The following CEP57L1 variants were observed in gnomAD, a reference collection of about 807,000 sequenced individuals.
CEP57L1 encodes centrosomal protein 57 like 1.
CEP57L1 carries 37 observed loss-of-function variants against 61.0 expected under a neutral mutation model. The ratio of observed to expected loss-of-function variants is 0.61; its 90% confidence interval spans 0.47 to 0.80. CEP57L1 has a LOEUF of 0.80. CEP57L1 is among the 30% of genes least tolerant of loss of function. The pLI is 0.00. For synonymous variants in CEP57L1, 137 were observed against 162.3 expected, an observed-to-expected ratio of 0.84 and a Z score of 1.19; for missense variants, 422 against 524.7, an observed-to-expected ratio of 0.80 and a Z score of 1.91.
chr6:109,161,867 TA>T (rs930943914), intron 10 of CEP57L1, among the ~76,000 whole-genome samples: 6 of 152,116 alleles, frequency 3.9e-5, no homozygotes, highest in African/African-American at 1.4e-4. Flanking sequence ...ATATCTGTAA[TA>T]AAAATTGACT....
intron 1 of CEP57L1, among the ~76,000 whole-genome samples, chr6:109,116,343 A>C (rs1772301798): frequency 6.6e-6 from 1 of 151,794 alleles, no homozygotes; most frequent in African/African-American, 2.4e-5. Flanking sequence ...ACGCCCACCT[A>C]ATTTTGTATT....
rs747159823 is a variant in CEP57L1, at chr6:109,155,343, CAT to C, written c.657+41_657+42del. 2.8e-6 allele frequency: 3 copies of C among 1,089,664 alleles called. No individual in the cohort carries two copies. The African/African-American group carries it at 4.9e-5, about 18-fold the overall frequency. 67.5% of individuals were successfully genotyped at this position (1,089,664 alleles called of 1,614,324 possible). On this transcript the variant is annotated intron_variant, in intron 6 of 10. Coordinates refer to ENST00000517392, the MANE Select transcript of CEP57L1 (RefSeq NM_001271852.3). ...CACTATATAATCTATCACAGTAAAC[CAT>C]ATATGTTTTATTATATTTTTATTTT...
intron 1 of CEP57L1, among the ~76,000 whole-genome samples, chr6:109,139,111 T>C (rs1412562489): frequency 6.6e-6 from 1 of 152,220 alleles, no homozygotes; most frequent in African/African-American, 2.4e-5. Context: ...AGCACTGTGA[T>C]ACTATGACAG....
intron 1 of CEP57L1, among the ~76,000 whole-genome samples, chr6:109,135,241 G>A (rs1162476978): frequency 6.6e-6 from 1 of 152,118 alleles, no homozygotes; most frequent in Non-Finnish European, 1.5e-5. Context: ...ACAGAACAGA[G>A]CCGTCAGAAA....
rs148854950 is a variant in CEP57L1, at chr6:109,155,278, C to T, written c.628C>T (p.Arg210Cys). 1.5e-5 allele frequency: 24 copies of T among 1,593,834 alleles called. No individual in the cohort carries two copies. Among genetic ancestry groups the T allele is most frequent in the South Asian group, 3.4e-5 (3 of 87,778 alleles). ...AAAACTTAAGGAAGAAGAACATCAG[C>T]GTAAGCTATTTCAAGACAAAGCTTC... is the stretch of plus-strand genomic sequence containing the variant. ...EEKLKEEEHQRKLFQDKASEL... is the reference protein window; with the variant it reads ...EEKLKEEEHQCKLFQDKASEL... The change falls in exon 6 of 11, where the codon CGT becomes TGT. Residue 210 changes from arginine (R) to cysteine (C), a missense_variant. Transcript: ENST00000517392.
chr6:109,135,244 G>A (rs192457437), intron 1 of CEP57L1, among the ~76,000 whole-genome samples: 5 of 151,956 alleles, frequency 3.3e-5, no homozygotes, highest in South Asian at 4.2e-4. Context: ...GAACAGAGCC[G>A]TCAGAAATAA....
intron 1 of CEP57L1, among the ~76,000 whole-genome samples, chr6:109,121,648 T>C (rs190725738): frequency 2.4e-4 from 37 of 152,338 alleles, no homozygotes; most frequent in African/African-American, 8.4e-4. Flanking sequence ...GGGCCTGTGA[T>C]GAATTTTCCA....
chr6:109,117,858 G>C (rs1230946351), intron 1 of CEP57L1, among the ~76,000 whole-genome samples: 1 of 152,160 alleles, frequency 6.6e-6, no homozygotes, highest in African/African-American at 2.4e-5. Context: ...ATCATAGGCT[G>C]TTCTCTGTGC....
intron 1 of CEP57L1, among the ~76,000 whole-genome samples, chr6:109,117,586 G>A (rs77317363): frequency 6.6e-6 from 1 of 152,254 alleles, no homozygotes; most frequent in East Asian, 1.9e-4. Context: ...CATTGCATTT[G>A]TTTTCCCCTG....
chr6:109,121,470 A>AT (rs1772966814), intron 1 of CEP57L1, among the ~76,000 whole-genome samples: 1 of 152,132 alleles, frequency 6.6e-6, no homozygotes, highest in Non-Finnish European at 1.5e-5. Context: ...GAAGGGATTA[A>AT]TTTTTCTTAA....
intron 1 of CEP57L1, among the ~76,000 whole-genome samples, chr6:109,137,499 AC>A (rs1294635566): frequency 2.0e-5 from 3 of 151,934 alleles, no homozygotes; most frequent in African/African-American, 7.3e-5. Flanking sequence ...ATGGAGTTGG[AC>A]CATGTTGGTC....
intron 1 of CEP57L1, chr6:109,125,081 C>T (rs1054726467): frequency 1.3e-5 from 2 of 152,254 alleles, no homozygotes; most frequent in East Asian, 3.9e-4. Context: ...AGACAGAAAA[C>T]AGAGTCTAGG....
intron 1 of CEP57L1, among the ~76,000 whole-genome samples, chr6:109,139,121 G>A (rs1771063922): frequency 6.6e-6 from 1 of 152,206 alleles, no homozygotes; most frequent in Non-Finnish European, 1.5e-5. Flanking sequence ...TACTATGACA[G>A]TTGATCTGAT....
rs202070350 is a variant in CEP57L1, at chr6:109,169,226, C to CAAAAAA, written c.*6272_*6277dup. Among the ~76,000 whole-genome samples, 64 of 67,502 alleles carry CAAAAAA rather than the reference C, an allele frequency of 9.5e-4. No homozygotes were observed. The highest frequency in any genetic ancestry group is 1.4e-3 in the Admixed American group (8 of 5,802). The allele number at this position is 67,502 out of a possible 152,430, so 44.3% of individuals were successfully genotyped here. A position where few individuals can be genotyped will look rare whatever the true frequency, so the allele number is the denominator to read the frequency against. The stretch of plus-strand genomic sequence containing the variant: ...GAGCAGCAGAGTGAGGCTCCATCAG[C>CAAAAAA]AAAAAAAAAAAAAAAAAAAAAGATC... On this transcript the variant is annotated 3_prime_UTR_variant, in exon 11 of 11. Coordinates refer to ENST00000517392, the MANE Select transcript of CEP57L1 (RefSeq NM_001271852.3).
intron 1 of CEP57L1, among the ~76,000 whole-genome samples, chr6:109,123,191 A>G (rs1347774777): frequency 6.6e-6 from 1 of 152,152 alleles, no homozygotes; most frequent in African/African-American, 2.4e-5. Flanking sequence ...TATATTGATG[A>G]CTTCCAAACC....
rs1184179809 is a variant in CEP57L1, at chr6:109,105,601, A to C, written c.-4+10026A>C. Among the ~76,000 whole-genome samples the C allele has an allele frequency of 5.3e-5, 8 of 152,308 alleles. No individual in the cohort carries two copies. In the East Asian group the frequency reaches 1.5e-3, roughly 29 times the overall value. ...TACCATAATCAGTCTTAATAACTAG[A>C]AAAACAGTACCATCTTTTTGTTCTT... On this transcript the variant is annotated intron_variant, in intron 1 of 10. Transcript: ENST00000517392.
intron 1 of CEP57L1, chr6:109,140,805 A>G (rs1299543112): frequency 2.0e-5 from 3 of 151,860 alleles, no homozygotes; most frequent in Non-Finnish European, 1.5e-5. Flanking sequence ...ATATTCACTG[A>G]TTTCTTAAAA....
intron 1 of CEP57L1, among the ~76,000 whole-genome samples, chr6:109,101,688 T>C (rs985656065): frequency 6.6e-6 from 1 of 150,516 alleles, no homozygotes; most frequent in East Asian, 2.0e-4. Flanking sequence ...TGGCGCCATC[T>C]CGGCTCACTG....
intron 10 of CEP57L1, among the ~76,000 whole-genome samples, chr6:109,161,037 G>A (rs932837285): frequency 7.9e-5 from 12 of 152,078 alleles, no homozygotes; most frequent in South Asian, 6.2e-4. Flanking sequence ...ATTCTTTTTC[G>A]TTTTCCTTCT....
Sources: gnomAD v4.1 joint callset for allele counts (sites outside exome capture counted in the v4.1 genomes callset) on GRCh38, gnomAD v4.1.1 for gene constraint, MANE v1.5 for transcripts, NCBI Gene and HGNC (gene_info 2026-07-23, HGNC 2026-07-21) for gene names.